The following CNTN3 variants were observed in gnomAD, a reference collection of about 807,000 sequenced individuals.
CNTN3 encodes contactin 3, also known as contactin-3.
Under a neutral mutation model 119.1 loss-of-function variants are expected in CNTN3, and 60 were observed. The ratio of observed to expected loss-of-function variants is 0.50; its 90% CI spans 0.41 to 0.62. The LOEUF is 0.62. Among genes scored for constraint, CNTN3 ranks in the 20% least tolerant of loss-of-function variants. CNTN3 has a pLI of 0.00. For synonymous variants in CNTN3, 450 were observed against 438.7 expected (o/e 1.03, Z -0.32); for missense variants, 1,101 against 1,242.4 (o/e 0.89, Z 1.71).
intron 1 of CNTN3, among the ~76,000 whole-genome samples, chr3:74,560,629 A>T (rs1168760716): frequency 6.6e-6 from 1 of 152,140 alleles, no homozygotes; most frequent in East Asian, 1.9e-4. Flanking sequence ...TTCCTCAAGG[A>T]TCTAGAACTA....
chr3:74,430,663 T>C (rs1701768263), intron 4 of CNTN3, among the ~76,000 whole-genome samples: 1 of 152,064 alleles, frequency 6.6e-6, no homozygotes, highest in Non-Finnish European at 1.5e-5. Flanking sequence ...AGTGTCGTTA[T>C]CAAAGGGTAC....
At chr3:74,541,336 AC>A (rs1168461619) in intron 1 of CNTN3, among the ~76,000 whole-genome samples, 1 of 152,110 alleles carries the variant, frequency 6.6e-6, no homozygotes, top group East Asian at 1.9e-4. Context: ...AAAAACATAA[AC>A]CGATGTCCTT....
At chr3:74,507,637 T>C (rs1416073131) in intron 2 of CNTN3, among the ~76,000 whole-genome samples, 2 of 147,362 alleles carry the variant, frequency 1.4e-5, no homozygotes, top group African/African-American at 2.5e-5. Context: ...TTTTTTTTTT[T>C]TTTTTTTTTT....
Position 74,266,659 on chromosome 3 carries a change from A to G in CNTN3, c.2818-10T>C, listed in dbSNP as rs1701667101. ...TAGTCCTATAGAAAACCTAAAATGCATGAACAAATACACTTACTTGTTATA... is the reference window on the plus strand; with the variant it reads ...TAGTCCTATAGAAAACCTAAAATGCGTGAACAAATACACTTACTTGTTATA... On this transcript the variant is annotated splice_polypyrimidine_tract_variant and intron_variant, in intron 21 of 22. Transcript: ENST00000263665. The G allele has an allele frequency of 1.2e-6, 2 of 1,611,690 alleles. No homozygotes were observed. The highest frequency in any genetic ancestry group is 3.3e-5 in the Admixed American group (2 of 59,822).
At position 74,344,995 on chromosome 3, in the gene CNTN3, C is replaced by T. The variant is rs191405051; in HGVS notation, c.1365-8337G>A. Among the ~76,000 whole-genome samples, 80 of 152,194 alleles carry T rather than the reference C, an allele frequency of 5.3e-4. 2 individuals carry two copies. The highest frequency in any genetic ancestry group is 2.0e-3 in the Admixed American group (30 of 15,288). The stretch of plus-strand genomic sequence containing the variant: ...GCTAGCAATTCCATTCATCCAATGA[C>T]GCAGAAGTAGGTTTGCAACCCCTTT... On this transcript the variant is annotated intron_variant, in intron 11 of 22. Coordinates refer to ENST00000263665, the MANE Select transcript of CNTN3 (RefSeq NM_020872.3).
chr3:74,356,867 G>T (rs763410905), intron 11 of CNTN3, among the ~76,000 whole-genome samples: 6 of 152,072 alleles, frequency 3.9e-5, no homozygotes, highest in Non-Finnish European at 8.8e-5. Flanking sequence ...ATTCATAATT[G>T]CAAAGCTGTT....
At chr3:74,415,441 C>A (rs1444185674) in intron 5 of CNTN3, among the ~76,000 whole-genome samples, 1 of 152,118 alleles carries the variant, frequency 6.6e-6, no homozygotes, top group African/African-American at 2.4e-5. Flanking sequence ...AAAAGGGATG[C>A]CGTGACAGCC....
rs571039094 is a variant in CNTN3 at position 74,482,249 on chromosome 3, G to A, written c.358+4207C>T. 3.9e-5 allele frequency among the ~76,000 whole-genome samples: 6 copies of A among 151,962 alleles called. No individual in the cohort carries two copies. The South Asian group carries it at 1.2e-3, about 32-fold the overall frequency. ...ATATTAGCAAACAGCTAACATCCAAGTATTTTTTTAAAACTGCATAAACTC... is the reference window on the plus strand; with the variant it reads ...ATATTAGCAAACAGCTAACATCCAAATATTTTTTTAAAACTGCATAAACTC... On this transcript the variant is annotated intron_variant, in intron 4 of 22. Transcript: ENST00000263665.
chr3:74,298,239 C>G (rs1702381626), intron 17 of CNTN3, 48 bp from the exon 18 acceptor site: 1 of 1,199,714 alleles, frequency 8.3e-7, no homozygotes, highest in Non-Finnish European at 1.2e-6. Context: ...AAGGGCAAGG[C>G]AAAAATGAAT....
intron 4 of CNTN3, among the ~76,000 whole-genome samples, chr3:74,483,251 T>C (rs1452844916): frequency 6.6e-6 from 1 of 152,064 alleles, no homozygotes; most frequent in Non-Finnish European, 1.5e-5. Flanking sequence ...TGTTACATCT[T>C]AGGTTTGCTT....
intron 4 of CNTN3, among the ~76,000 whole-genome samples, chr3:74,465,620 C>A (rs1158268804): frequency 6.6e-6 from 1 of 152,158 alleles, no homozygotes; most frequent in Non-Finnish European, 1.5e-5. Flanking sequence ...AAATGCATTT[C>A]TCCATACAAA....
intron 5 of CNTN3, among the ~76,000 whole-genome samples, chr3:74,413,593 G>T (rs897989669): frequency 6.6e-6 from 1 of 152,160 alleles, no homozygotes; most frequent in Admixed American, 6.6e-5. Context: ...TAGAGATTTA[G>T]CTGTTACCAG....
At chr3:74,603,985 C>T (rs1468375793) in intron 1 of CNTN3, among the ~76,000 whole-genome samples, 1 of 152,042 alleles carries the variant, frequency 6.6e-6, no homozygotes, top group East Asian at 1.9e-4. Flanking sequence ...CCCATCAGAA[C>T]AGAACAGAGA....
At chr3:74,509,313 CTTTTTT>C (rs11318453) in intron 2 of CNTN3, among the ~76,000 whole-genome samples, 1 of 117,146 alleles carries the variant, frequency 8.5e-6, no homozygotes, top group African/African-American at 3.2e-5. Flanking sequence ...CCTTTCCTTT[CTTTTTT>C]TTTTTTTTTT....
At chr3:74,399,997 A>G (rs1423346697) in intron 5 of CNTN3, among the ~76,000 whole-genome samples, 1 of 152,216 alleles carries the variant, frequency 6.6e-6, no homozygotes, top group Non-Finnish European at 1.5e-5. Flanking sequence ...GTAAGTGTAA[A>G]GTAAATGCTT....
At chr3:74,417,593 G>C (rs943975025) in intron 5 of CNTN3, among the ~76,000 whole-genome samples, 4 of 152,180 alleles carry the variant, frequency 2.6e-5, no homozygotes, top group African/African-American at 4.8e-5. Context: ...AAAGTTGAAG[G>C]CAGGCTCAAT....
intron 2 of CNTN3, among the ~76,000 whole-genome samples, chr3:74,514,258 C>A (rs561870020): frequency 6.6e-6 from 1 of 152,006 alleles, no homozygotes; most frequent in East Asian, 1.9e-4. Flanking sequence ...ATTTGACAGA[C>A]CAAGGAATCA....
chr3:74,586,785 A>G (rs1704599996), intron 1 of CNTN3, among the ~76,000 whole-genome samples: 1 of 152,158 alleles, frequency 6.6e-6, no homozygotes. Context: ...ATGAATGATT[A>G]AAGCCATAAC....
intron 5 of CNTN3, among the ~76,000 whole-genome samples, chr3:74,395,072 A>G (rs1316963136): frequency 1.3e-5 from 2 of 152,186 alleles, no homozygotes; most frequent in Non-Finnish European, 2.9e-5. Context: ...TGAGAAGTCT[A>G]GATTAGATAT....
Sources: allele counts gnomAD v4.1 joint callset (sites outside exome capture counted in the v4.1 genomes callset), GRCh38; gene constraint gnomAD v4.1.1; transcripts MANE v1.5; gene names NCBI Gene and HGNC (gene_info 2026-07-23, HGNC 2026-07-21).